Variants in SS18 observed in about 807,000 individuals in gnomAD.
The protein encoded by SS18 is SS18 subunit of BAF chromatin remodeling complex.
Under a neutral mutation model 72.5 loss-of-function variants are expected in SS18, and 28 were observed. The ratio of observed to expected loss-of-function variants is 0.39; its 90% CI spans 0.29 to 0.53. SS18 has a LOEUF of 0.53. SS18 is among the 20% of genes least tolerant of loss of function. The pLI, the probability that SS18 is intolerant of heterozygous loss-of-function variation, is 0.76. For missense variants in SS18, 518 were observed against 535.3 expected, an observed-to-expected ratio of 0.97 and a Z score of 0.32; for synonymous variants, 172 against 164.2, an observed-to-expected ratio of 1.05 and a Z score of -0.37.
upstream of SS18, chr18:26,090,882 C>T (rs758331879): frequency 7.6e-6 from 3 of 395,454 alleles, no homozygotes; most frequent in Non-Finnish European, 9.1e-6. Flanking sequence ...GTCCTCCCTC[C>T]GCTTCAGCGA....
chr18:26,039,422 T>C lies in SS18; in HGVS notation c.642A>G (p.Gln214=). 6.2e-7 allele frequency: 1 copy of C among 1,613,796 alleles called. No homozygotes were observed. The highest frequency in any genetic ancestry group is 8.5e-7 in the Non-Finnish European group (1 of 1,179,796). The change falls in exon 6 of 11, where the codon CAA becomes CAG. Residue 214 remains glutamine (Q), a synonymous_variant. Transcript: ENST00000415083. ...PMMHQQPPSQ[Q]YNMPQGGGQH... ...GTCCGCCTCCCTGTGGCATATTGTA[T>C]TGCTGAGAAGGAGGCTGCTGATGCA...
At chr18:26,041,448 C>A (rs946829118) in intron 5 of SS18, among the ~76,000 whole-genome samples, 4 of 150,978 alleles carry the variant, frequency 2.6e-5, no homozygotes, top group Non-Finnish European at 5.9e-5. Context: ...AAACAAAACA[C>A]GAAACAAATT....
chr18:26,075,420 C>A (rs1444834667), intron 3 of SS18, among the ~76,000 whole-genome samples: 2 of 151,886 alleles, frequency 1.3e-5, no homozygotes, highest in African/African-American at 2.4e-5. Context: ...GCAAGACTGA[C>A]TGAGCATTAA....
At chr18:26,076,693 T>C (rs1194590306) in intron 3 of SS18, among the ~76,000 whole-genome samples, 1 of 151,766 alleles carries the variant, frequency 6.6e-6, no homozygotes, top group African/African-American at 2.4e-5. Flanking sequence ...ATACAGCAAA[T>C]CACAAAAACA....
At chr18:26,018,489 T>C (rs2143749745) in intron 10 of SS18, 109 bp from the exon 11 acceptor site, 1 of 853,262 alleles carries the variant, frequency 1.2e-6, no homozygotes, top group South Asian at 1.9e-5. Flanking sequence ...AAAGCAGCCG[T>C]ACCTACAATA....
chr18:26,043,567 T>G (rs1028178877), intron 5 of SS18, among the ~76,000 whole-genome samples: 41 of 152,330 alleles, frequency 2.7e-4, no homozygotes, highest in African/African-American at 9.9e-4. Flanking sequence ...AAAAACTCAA[T>G]TAGCTAACTT....
intron 3 of SS18, among the ~76,000 whole-genome samples, chr18:26,059,004 G>A (rs1480499027): frequency 6.6e-6 from 1 of 152,140 alleles, no homozygotes; most frequent in Non-Finnish European, 1.5e-5. Context: ...TCTGAAAACA[G>A]AAATCCTCCT....
rs936649781 is a variant in SS18 at position 26,027,886 on chromosome 18, C to T, written c.1230+4513G>A. Among the ~76,000 whole-genome samples the T allele has an allele frequency of 1.3e-5, 2 of 151,896 alleles. 1 individual carries two copies. The highest frequency in any genetic ancestry group is 4.2e-4 in the South Asian group (2 of 4,812). ...AAAGTACAGGAGAAAATCTTTGTGA[C>T]CTTCAGTTAGGTAAAGATTTCTTAC... On this transcript the variant is annotated intron_variant, in intron 10 of 10. Coordinates refer to ENST00000415083, the MANE Select transcript of SS18 (RefSeq NM_001007559.3).
At chr18:26,063,368 A>C (rs1005177580) in intron 3 of SS18, among the ~76,000 whole-genome samples, 10 of 152,082 alleles carry the variant, frequency 6.6e-5, no homozygotes, top group African/African-American at 1.7e-4. Flanking sequence ...AAATACAAAA[A>C]ATTAGCCAGG....
rs532851941 is a variant in SS18 at position 26,069,569 on chromosome 18, G to A, written c.231+8507C>T. On this transcript the variant is annotated intron_variant, in intron 3 of 10. Coordinates refer to ENST00000415083, the MANE Select transcript of SS18 (RefSeq NM_001007559.3). Reference sequence around the variant, plus strand: ...TGTGACAGGGCCCTCAGCCCAGATCGATTTAAGTTACTGGAAGTTTTTTAA... The same window carrying A: ...TGTGACAGGGCCCTCAGCCCAGATCAATTTAAGTTACTGGAAGTTTTTTAA... Among the ~76,000 whole-genome samples the A allele has an allele frequency of 7.3e-5, 11 of 150,278 alleles. No individual in the cohort carries two copies. In the South Asian group the frequency reaches 2.3e-3, roughly 32 times the overall value.
intron 5 of SS18, among the ~76,000 whole-genome samples, chr18:26,048,706 C>T (rs1471977734): frequency 6.6e-6 from 1 of 152,134 alleles, no homozygotes; most frequent in African/African-American, 2.4e-5. Context: ...GTCAGTCTAA[C>T]CAAAGAGTAC....
chr18:26,028,082 G>A (rs1470401180), intron 10 of SS18, among the ~76,000 whole-genome samples: 2 of 151,862 alleles, frequency 1.3e-5, no homozygotes, highest in Admixed American at 6.6e-5. Context: ...ATATACAAAG[G>A]CCTCTTAATA....
chr18:26,045,234 T>C (rs2053800252), intron 5 of SS18, among the ~76,000 whole-genome samples: 1 of 152,220 alleles, frequency 6.6e-6, no homozygotes, highest in Admixed American at 6.5e-5. Context: ...GATCATGTTA[T>C]TCCAGTGCTC....
intron 9 of SS18, among the ~76,000 whole-genome samples, chr18:26,033,592 A>G (rs1486791729): frequency 6.6e-6 from 1 of 152,114 alleles, no homozygotes; most frequent in Non-Finnish European, 1.5e-5. Context: ...CTGCCATAAA[A>G]ACACTGATTT....
At chr18:26,031,500 C>A (rs1320375345) in intron 10 of SS18, among the ~76,000 whole-genome samples, 1 of 152,196 alleles carries the variant, frequency 6.6e-6, no homozygotes, top group African/African-American at 2.4e-5. Flanking sequence ...AACCAGACCA[C>A]CTTCACTGAA....
intron 5 of SS18, among the ~76,000 whole-genome samples, chr18:26,042,182 A>G (rs2053740339): frequency 1.3e-5 from 2 of 152,214 alleles, no homozygotes; most frequent in Middle Eastern, 3.2e-3. Context: ...AACTAAGAGA[A>G]GCAAACTCAA....
chr18:26,028,758 T>G lies in SS18; in HGVS notation c.1230+3641A>C, dbSNP rs76782758. Reference sequence around the variant, plus strand: ...TCAGTAACAATGTCTGGAGAAGGGATGCAAGTGGAGGGATTTCAAAGGGGC... The same window carrying G: ...TCAGTAACAATGTCTGGAGAAGGGAGGCAAGTGGAGGGATTTCAAAGGGGC... On this transcript the variant is annotated intron_variant, in intron 10 of 10. Coordinates refer to ENST00000415083, the MANE Select transcript of SS18 (RefSeq NM_001007559.3). Among the ~76,000 whole-genome samples, 674 of 152,280 alleles carry G rather than the reference T, an allele frequency of 4.4e-3. 4 individuals carry two copies. The highest frequency in any genetic ancestry group is 0.015 in the African/African-American group (640 of 41,558).
chr18:26,091,061 C>T (rs997883734), upstream of SS18: 45 of 159,852 alleles, frequency 2.8e-4, no homozygotes, highest in Middle Eastern at 3.0e-3. Flanking sequence ...GTGCCCTAGA[C>T]CTAGTTCAGT....
chr18:26,034,623 C>A (rs2053597367), intron 9 of SS18, among the ~76,000 whole-genome samples: 1 of 151,264 alleles, frequency 6.6e-6, no homozygotes, highest in Non-Finnish European at 1.5e-5. Flanking sequence ...TTAAAAAAAA[C>A]TGTATTGGCC....
Sources: allele counts gnomAD v4.1 joint callset (sites outside exome capture counted in the v4.1 genomes callset), GRCh38; gene constraint gnomAD v4.1.1; transcripts MANE v1.5; gene names NCBI Gene and HGNC (gene_info 2026-07-23, HGNC 2026-07-21).